ITPR2: variants seen among roughly 807,000 people sequenced by gnomAD.
ITPR2 encodes the protein inositol 1,4,5-trisphosphate receptor type 2, also known as inositol 1,4,5-trisphosphate-gated calcium channel ITPR2.
Under a neutral mutation model 317.1 loss-of-function variants are expected in ITPR2, and 207 were observed. The observed-to-expected ratio is 0.65, with a 90% CI of 0.58 to 0.73. The LOEUF is 0.73. Among genes scored for constraint, ITPR2 ranks in the 30% least tolerant of loss-of-function variants. ITPR2 has a pLI of 0.00. For missense variants in ITPR2, 2,613 were observed against 3,284.0 expected (o/e 0.80, Z 4.99); for synonymous variants, 1,156 against 1,149.1 (o/e 1.01, Z -0.12).
chr12:26,507,853 C>CTGTGTGTGTG (rs541133629), intron 37 of ITPR2, among the ~76,000 whole-genome samples: 9,320 of 106,334 alleles, frequency 0.088, 423 homozygotes, highest in Non-Finnish European at 0.15. Flanking sequence ...CTACTCTTCT[C>CTGTGTGTGTG]TCTCTGTCTC....
chr12:26,629,857 T>C (rs931567397), intron 22 of ITPR2, among the ~76,000 whole-genome samples: 1 of 152,154 alleles, frequency 6.6e-6, no homozygotes, highest in Non-Finnish European at 1.5e-5. Flanking sequence ...TCACCAGACA[T>C]GCGTTAAACA....
At chr12:26,787,523 A>G (rs541138418) in intron 2 of ITPR2, among the ~76,000 whole-genome samples, 1 of 152,354 alleles carries the variant, frequency 6.6e-6, no homozygotes, top group South Asian at 2.1e-4. Flanking sequence ...TAGATACTCT[A>G]AAATAATCTT....
At chr12:26,573,088 G>A (rs796403431) in intron 34 of ITPR2, among the ~76,000 whole-genome samples, 15 of 151,624 alleles carry the variant, frequency 9.9e-5, no homozygotes, top group Admixed American at 5.9e-4. Context: ...GTAGTGGTGC[G>A]AACATAGCTC....
intron 26 of ITPR2, among the ~76,000 whole-genome samples, chr12:26,619,239 T>C (rs1158986292): frequency 6.6e-6 from 1 of 152,208 alleles, no homozygotes; most frequent in Non-Finnish European, 1.5e-5. Flanking sequence ...CATAATTCCA[T>C]ATCCACCATA....
intron 37 of ITPR2, among the ~76,000 whole-genome samples, chr12:26,522,815 G>A (rs192936989): frequency 6.6e-6 from 1 of 151,770 alleles, no homozygotes; most frequent in African/African-American, 2.4e-5. Context: ...TCAAAGAATA[G>A]AAGAAAAAAA....
intron 37 of ITPR2, among the ~76,000 whole-genome samples, chr12:26,547,077 T>C (rs914044652): frequency 2.6e-5 from 4 of 152,174 alleles, no homozygotes; most frequent in Admixed American, 6.6e-5. Flanking sequence ...AAAAAGCTTC[T>C]GCACAGCAGA....
At chr12:26,507,392 T>C (rs1943216950) in intron 37 of ITPR2, among the ~76,000 whole-genome samples, 1 of 152,228 alleles carries the variant, frequency 6.6e-6, no homozygotes, top group Non-Finnish European at 1.5e-5. Flanking sequence ...ATTAGACTTA[T>C]TATGGTCTTA....
intron 31 of ITPR2, 112 bp downstream of exon 31, chr12:26,596,771 C>T (rs1303779702): frequency 2.5e-6 from 2 of 807,418 alleles, no homozygotes; most frequent in Non-Finnish European, 3.6e-6. Flanking sequence ...AATTCCCTGA[C>T]TAAATATATG....
chr12:26,806,514 GTCAAGT>G (rs1348449857), intron 1 of ITPR2, among the ~76,000 whole-genome samples: 1 of 152,170 alleles, frequency 6.6e-6, no homozygotes. Context: ...CCCACTGTGT[GTCAAGT>G]ACCACATTAC....
chr12:26,520,128 T>G (rs1032374172), intron 37 of ITPR2, among the ~76,000 whole-genome samples: 50 of 152,224 alleles, frequency 3.3e-4, no homozygotes, highest in African/African-American at 1.1e-3. Flanking sequence ...AAATAACTTT[T>G]AATTGAGATA....
intron 55 of ITPR2, among the ~76,000 whole-genome samples, chr12:26,352,735 G>A (rs1036534981): frequency 7.9e-5 from 12 of 152,194 alleles, no homozygotes; most frequent in Non-Finnish European, 1.3e-4. Context: ...TAGTTGGTTA[G>A]CATGATTAAT....
chr12:26,687,182 A>G (rs895971373), intron 10 of ITPR2, among the ~76,000 whole-genome samples: 4 of 152,192 alleles, frequency 2.6e-5, no homozygotes, highest in African/African-American at 9.6e-5. Context: ...CACACACAGA[A>G]GCCTTCATAG....
intron 2 of ITPR2, among the ~76,000 whole-genome samples, chr12:26,778,327 T>C (rs1950014786): frequency 6.6e-6 from 1 of 152,178 alleles, no homozygotes; most frequent in African/African-American, 2.4e-5. Context: ...ATGATTCACA[T>C]CACATCCCCG....
chr12:26,637,786 T>G (rs1946895896), intron 21 of ITPR2, among the ~76,000 whole-genome samples: 1 of 152,186 alleles, frequency 6.6e-6, no homozygotes, highest in Non-Finnish European at 1.5e-5. Context: ...TCATAATGTC[T>G]TATAATACGG....
At chr12:26,399,144 T>C in intron 53 of ITPR2, 103 bp from the exon 54 acceptor site, 1 of 852,896 alleles carries the variant, frequency 1.2e-6, no homozygotes, top group Non-Finnish European at 1.6e-6. Context: ...TGAATATAAA[T>C]AGTATCCCAA....
chr12:26,683,622 C>T (rs1948076791), intron 11 of ITPR2, among the ~76,000 whole-genome samples: 1 of 152,142 alleles, frequency 6.6e-6, no homozygotes, highest in Non-Finnish European at 1.5e-5. Flanking sequence ...GCTATGTATT[C>T]GTCAACAAAA....
intron 39 of ITPR2, among the ~76,000 whole-genome samples, chr12:26,491,168 CAGA>C (rs1267781393): frequency 1.3e-5 from 2 of 151,928 alleles, no homozygotes; most frequent in South Asian, 2.1e-4. Context: ...ATATTTTAAG[CAGA>C]AGAATAGCAT....
rs1161768947 is a variant in ITPR2, at chr12:26,436,350, G to C, written c.6644-4C>G. ...AACCAGAACAGTGCAGGGTTATCTA[G>C]GAAGTGAGAAATGTAAAGGAACTGA... On this transcript the variant is annotated splice_polypyrimidine_tract_variant and splice_region_variant and intron_variant, in intron 47 of 56. Transcript: ENST00000381340. 2 of 1,600,134 alleles carry C rather than the reference G, an allele frequency of 1.2e-6. No individual in the cohort carries two copies. The highest frequency in any genetic ancestry group is 2.3e-5 in the South Asian group (2 of 87,726).
chr12:26,769,587 TACTC>T (rs1176842567), intron 2 of ITPR2, among the ~76,000 whole-genome samples: 1 of 152,162 alleles, frequency 6.6e-6, no homozygotes, highest in African/African-American at 2.4e-5. Context: ...ATCTGTTTAA[TACTC>T]AGAAGAGAGA....
Sources: gnomAD v4.1 joint callset for allele counts (sites outside exome capture counted in the v4.1 genomes callset) on GRCh38, gnomAD v4.1.1 for gene constraint, MANE v1.5 for transcripts, NCBI Gene and HGNC (gene_info 2026-07-23, HGNC 2026-07-21) for gene names.